The following MTPAP variants were observed in gnomAD, a reference collection of about 807,000 sequenced individuals.
MTPAP encodes mitochondrial poly(A) polymerase, also known as poly(A) RNA polymerase, mitochondrial.
In MTPAP, 23 loss-of-function variants were observed where a neutral mutation model predicts 48.7. The ratio of observed to expected loss-of-function variants is 0.47; its 90% CI spans 0.34 to 0.67. MTPAP has a LOEUF of 0.67. Ranked by LOEUF, MTPAP falls within the 30% of genes least tolerant of loss-of-function variation. The pLI, the probability that MTPAP is intolerant of heterozygous loss-of-function variation, is 0.01. For synonymous variants in MTPAP, 257 were observed against 254.1 expected, an observed-to-expected ratio of 1.01 and a Z score of -0.11; for missense variants, 614 against 694.3, an observed-to-expected ratio of 0.88 and a Z score of 1.30.
intron 1 of MTPAP, among the ~76,000 whole-genome samples, chr10:30,348,550 G>A (rs966637832): frequency 1.3e-5 from 2 of 152,178 alleles, no homozygotes; most frequent in East Asian, 3.8e-4. Context: ...TATAAATGTA[G>A]AACGAACGCG....
intron 1 of MTPAP, among the ~76,000 whole-genome samples, 153 bp from the exon 2 acceptor site, chr10:30,341,793 G>T (rs910315133): frequency 6.6e-6 from 1 of 152,096 alleles, no homozygotes; most frequent in Non-Finnish European, 1.5e-5. Context: ...CTATACTACA[G>T]TAGTCTCCCC....
chr10:30,323,723 G>T (rs766985664), intron 5 of MTPAP, among the ~76,000 whole-genome samples: 3 of 152,132 alleles, frequency 2.0e-5, no homozygotes, highest in African/African-American at 7.2e-5. Flanking sequence ...TGTTAGCCAG[G>T]ATGGTCTCAA....
intron 4 of MTPAP, among the ~76,000 whole-genome samples, chr10:30,328,211 T>C (rs148915828): frequency 2.6e-5 from 4 of 152,310 alleles, no homozygotes; most frequent in Admixed American, 1.3e-4. Context: ...AAAACCATGA[T>C]AAAAGTTGTG....
chr10:30,328,932 G>A (rs1467070505), intron 4 of MTPAP, among the ~76,000 whole-genome samples: 5 of 152,068 alleles, frequency 3.3e-5, no homozygotes, highest in Non-Finnish European at 7.4e-5. Context: ...ACACATCCTA[G>A]GTTGTTTTGT....
At chr10:30,338,734 A>C (rs1292117047) in intron 3 of MTPAP, among the ~76,000 whole-genome samples, 1 of 152,212 alleles carries the variant, frequency 6.6e-6, no homozygotes, top group African/African-American at 2.4e-5. Flanking sequence ...AAATTTTCTT[A>C]TTAGAAAATT....
At chr10:30,342,180 G>A (rs1226650556) in intron 1 of MTPAP, among the ~76,000 whole-genome samples, 1 of 152,134 alleles carries the variant, frequency 6.6e-6, no homozygotes. Context: ...ACGTTGCAGT[G>A]AGCTGAGATT....
At chr10:30,318,458 TG>T (rs1245319609) in intron 6 of MTPAP, among the ~76,000 whole-genome samples, 1 of 152,242 alleles carries the variant, frequency 6.6e-6, no homozygotes, top group Non-Finnish European at 1.5e-5. Context: ...TAACAGTGTA[TG>T]TTTTTTTGTG....
intron 5 of MTPAP, among the ~76,000 whole-genome samples, chr10:30,325,774 A>G (rs1834586102): frequency 6.8e-6 from 1 of 147,674 alleles, no homozygotes; most frequent in Non-Finnish European, 1.5e-5. Context: ...TAAAAAAATG[A>G]AATAAAGAAA....
chr10:30,336,537 T>G (rs73236434), intron 4 of MTPAP, among the ~76,000 whole-genome samples: 1 of 152,124 alleles, frequency 6.6e-6, no homozygotes, highest in South Asian at 2.1e-4. Context: ...ATAGGTAACT[T>G]TGACTTAACT....
At chr10:30,334,658 C>G (rs1389049411) in intron 4 of MTPAP, among the ~76,000 whole-genome samples, 9 of 151,678 alleles carry the variant, frequency 5.9e-5, no homozygotes, top group South Asian at 2.1e-4. Context: ...GAAGCTCCGT[C>G]TTAAAAAAAG....
chr10:30,326,673 TAA>T (rs763391646), intron 4 of MTPAP, 38 bp from the exon 5 acceptor site: 8 of 1,502,266 alleles, frequency 5.3e-6, no homozygotes, highest in Non-Finnish European at 7.4e-6. Context: ...GAGCTTTTGG[TAA>T]AAAAAACAAT....
chr10:30,315,208 A>G (rs942156590), intron 8 of MTPAP, among the ~76,000 whole-genome samples: 1 of 86,404 alleles, frequency 1.2e-5, no homozygotes, highest in Non-Finnish European at 2.6e-5. Flanking sequence ...CCTCTCCCCA[A>G]TCTTTTATTT....
rs1176042341 is a variant in MTPAP at position 30,340,253 on chromosome 10, A to G, written c.528T>C (p.Leu176=). The change falls in exon 3 of 9, where the codon CTT becomes CTC. Residue 176 remains leucine (L), a synonymous_variant. Coordinates refer to ENST00000263063, the MANE Select transcript of MTPAP (RefSeq NM_018109.4). ...SNQLPRSNKQ[L]FELLCYAESI... Reference sequence around the variant, plus strand: ...TTTCTGCATAACAAAGTAATTCAAAAAGCTGCTTGTTTGAACGTGGCAACT... The same window carrying G: ...TTTCTGCATAACAAAGTAATTCAAAGAGCTGCTTGTTTGAACGTGGCAACT... 1 of 1,614,060 alleles carries G rather than the reference A, an allele frequency of 6.2e-7. No individual in the cohort carries two copies.
At chr10:30,315,158 A>T (rs1322226108) in intron 8 of MTPAP, among the ~76,000 whole-genome samples, 1 of 152,202 alleles carries the variant, frequency 6.6e-6, no homozygotes, top group Non-Finnish European at 1.5e-5. Context: ...TTCCTTCTAG[A>T]TAGCATTTGC....
chr10:30,324,547 C>CT (rs1026708115), intron 5 of MTPAP, among the ~76,000 whole-genome samples: 40 of 151,958 alleles, frequency 2.6e-4, no homozygotes, highest in African/African-American at 8.2e-4. Flanking sequence ...GAGAGAGACA[C>CT]TGTCTCTAAA....
intron 1 of MTPAP, among the ~76,000 whole-genome samples, chr10:30,347,912 G>T (rs1339053336): frequency 6.6e-6 from 1 of 150,854 alleles, no homozygotes; most frequent in Non-Finnish European, 1.5e-5. Flanking sequence ...AAAAAAAACA[G>T]TGGGTTTTTT....
chr10:30,314,272 G>A lies in MTPAP; in HGVS notation c.1387-301C>T, dbSNP rs559184620. The stretch of plus-strand genomic sequence containing the variant: ...AAGAGGTATCTGGACTAACTCAACC[G>A]ACAAAAGTATTTTTAAAATAATATA... On this transcript the variant is annotated intron_variant, in intron 8 of 8. Coordinates refer to ENST00000263063, the MANE Select transcript of MTPAP (RefSeq NM_018109.4). Among the ~76,000 whole-genome samples, 11 of 151,520 alleles carry A rather than the reference G, an allele frequency of 7.3e-5. No individual in the cohort carries two copies. The South Asian group carries it at 1.9e-3, about 26-fold the overall frequency.
At chr10:30,323,128 C>CAAAAAAAAAAAAAAA (rs201987154) in intron 5 of MTPAP, among the ~76,000 whole-genome samples, 2 of 86,522 alleles carry the variant, frequency 2.3e-5, no homozygotes, top group Non-Finnish European at 4.2e-5. Context: ...GACTCCGTTT[C>CAAAAAAAAAAAAAAA]AAAAAAAAAA....
intron 6 of MTPAP, among the ~76,000 whole-genome samples, chr10:30,320,336 G>A (rs1035671882): frequency 3.3e-5 from 5 of 152,118 alleles, no homozygotes; most frequent in African/African-American, 1.2e-4. Context: ...TCCAGTCTGG[G>A]AAACATGGCG....
Sources: gnomAD v4.1 joint callset for allele counts (sites outside exome capture counted in the v4.1 genomes callset) on GRCh38, gnomAD v4.1.1 for gene constraint, MANE v1.5 for transcripts, NCBI Gene and HGNC (gene_info 2026-07-23, HGNC 2026-07-21) for gene names.